Variants in MED24 observed in about 807,000 individuals in gnomAD.
MED24 encodes mediator of RNA polymerase II transcription subunit 24.
Under a neutral mutation model 118.8 loss-of-function variants are expected in MED24, and 74 were observed. The ratio of observed to expected loss-of-function variants is 0.62; its 90% CI spans 0.52 to 0.76. The LOEUF (loss-of-function observed/expected upper bound fraction) is 0.76, where lower values mean the gene tolerates loss of function less well. Ranked by LOEUF, MED24 falls within the 30% of genes least tolerant of loss-of-function variation. The pLI is 0.00. For synonymous variants in MED24, 521 were observed against 523.9 expected, an observed-to-expected ratio of 0.99 and a Z score of 0.08; for missense variants, 1,041 against 1,278.9, an observed-to-expected ratio of 0.81 and a Z score of 2.84.
chr17:40,045,186 C>G (rs149523693), intron 3 of MED24, among the ~76,000 whole-genome samples: 2 of 152,260 alleles, frequency 1.3e-5, no homozygotes, highest in East Asian at 3.9e-4. Context: ...CAGTGGCTCA[C>G]GCCTGTGATC....
chr17:40,038,845 G>C (rs960798174), intron 3 of MED24, among the ~76,000 whole-genome samples: 2 of 152,124 alleles, frequency 1.3e-5, no homozygotes, highest in African/African-American at 4.8e-5. Context: ...AGTACTCCTG[G>C]GTGAACAGGA....
chr17:40,027,727 G>T, intron 15 of MED24, 182 bp downstream of exon 15: 1 of 731,502 alleles, frequency 1.4e-6, no homozygotes, highest in South Asian at 1.7e-5. Context: ...GGATGGTCTG[G>T]GAAGAATCCT....
intron 19 of MED24, among the ~76,000 whole-genome samples, chr17:40,024,627 T>G (rs906914925): frequency 1.3e-5 from 2 of 152,210 alleles, no homozygotes; most frequent in African/African-American, 4.8e-5. Context: ...TAAACACCCA[T>G]GTTCACAGCA....
intron 3 of MED24, among the ~76,000 whole-genome samples, chr17:40,038,741 C>T (rs1415186271): frequency 1.3e-5 from 2 of 151,690 alleles, no homozygotes; most frequent in African/African-American, 2.4e-5. Context: ...AGGAAGAAAG[C>T]CGTCTGCTCA....
At position 40,033,599 on chromosome 17, in the gene MED24, G is replaced by A. The variant is rs1397517469; in HGVS notation, c.560-143C>T. The A allele has an allele frequency of 4.1e-6, 3 of 733,966 alleles. No homozygotes were observed. The highest frequency in any genetic ancestry group is 4.0e-5 in the Admixed American group (2 of 49,942). 45.5% of individuals were successfully genotyped at this position (733,966 alleles called of 1,614,324 possible). ...CCCCTGAGGACAACAGGGAGGGAGGGGCCTGAGGGCAGCATGCACTGTTTC... is the reference window on the plus strand; with the variant it reads ...CCCCTGAGGACAACAGGGAGGGAGGAGCCTGAGGGCAGCATGCACTGTTTC... On this transcript the variant is annotated intron_variant, in intron 6 of 25. Coordinates refer to ENST00000394128, the MANE Select transcript of MED24 (RefSeq NM_014815.4). The surrounding 1 kb of genome is among the most constrained non-coding windows in gnomAD (Gnocchi z 5.2).
At chr17:40,042,634 G>A (rs6503536) in intron 3 of MED24, among the ~76,000 whole-genome samples, 11,563 of 152,050 alleles carry the variant, frequency 0.076, 1,510 homozygotes, top group African/African-American at 0.26. Flanking sequence ...AGCCGAGATC[G>A]CACCACTGCA....
intron 14 of MED24, among the ~76,000 whole-genome samples, chr17:40,028,410 G>T (rs145672554): frequency 6.6e-6 from 1 of 152,098 alleles, no homozygotes; most frequent in Non-Finnish European, 1.5e-5. Flanking sequence ...CACCGCACCC[G>T]GCCAGAAGGA....
chr17:40,040,388 G>A (rs377370074), intron 3 of MED24, among the ~76,000 whole-genome samples: 18 of 151,846 alleles, frequency 1.2e-4, no homozygotes, highest in East Asian at 7.8e-4. Context: ...CCTGACTTTC[G>A]TATTTTTTGC....
In MED24 at chr17:40,026,224, C is replaced by G. The variant is rs572516214; in HGVS notation, c.1917G>C (p.Ser639=). ...RMLGLDEREK[S]LQMIRQLAGP... Reference sequence around the variant, plus strand: ...CTGCCAGCTGGCGGATCATCTGCAGCGACTTCTCACGCTCATCCAGCCCCA... The same window carrying G: ...CTGCCAGCTGGCGGATCATCTGCAGGGACTTCTCACGCTCATCCAGCCCCA... Residue 639 remains serine, a synonymous_variant, in exon 19 of 26, where the codon TCG becomes TCC. Transcript: ENST00000394128. The G allele has an allele frequency of 2.5e-6, 4 of 1,614,186 alleles. No individual in the cohort carries two copies. The highest frequency in any genetic ancestry group is 3.4e-6 in the Non-Finnish European group (4 of 1,180,038).
intron 3 of MED24, among the ~76,000 whole-genome samples, chr17:40,036,895 A>T (rs1471397603): frequency 1.3e-5 from 2 of 152,124 alleles, no homozygotes; most frequent in East Asian, 3.9e-4. Context: ...ACCTTGAAAC[A>T]GGGAGTGGCT....
chr17:40,030,545 T>A (rs527822683), intron 12 of MED24, among the ~76,000 whole-genome samples: 1 of 151,752 alleles, frequency 6.6e-6, no homozygotes, highest in Non-Finnish European at 1.5e-5. Context: ...CCACCCGCCT[T>A]GGCCTCCCAA....
chr17:40,028,744 G>A, intron 14 of MED24, 82 bp downstream of exon 14: 16 of 1,562,072 alleles, frequency 1.0e-5, no homozygotes, highest in African/African-American at 1.3e-5. Context: ...CCAGACCCAG[G>A]CACCTGACTC....
intron 3 of MED24, among the ~76,000 whole-genome samples, chr17:40,045,000 T>A (rs1182151382): frequency 6.6e-6 from 1 of 152,204 alleles, no homozygotes; most frequent in Non-Finnish European, 1.5e-5. Context: ...GGATCTACTA[T>A]AATTTAGTAT....
At chr17:40,027,505 A>AG (rs752295748) in intron 15 of MED24, 40 bp from the exon 16 acceptor site, 30 of 1,570,236 alleles carry the variant, frequency 1.9e-5, no homozygotes, top group Non-Finnish European at 2.5e-5. Flanking sequence ...AGACGAGGGC[A>AG]GGGGGGAGCC....
intron 19 of MED24, among the ~76,000 whole-genome samples, chr17:40,025,528 G>A (rs947102589): frequency 2.0e-5 from 3 of 152,210 alleles, no homozygotes; most frequent in Non-Finnish European, 4.4e-5. Flanking sequence ...ACCAGGAGCT[G>A]GAGGGAGGGG....
At chr17:40,051,872 G>A (rs1268432557) in intron 3 of MED24, among the ~76,000 whole-genome samples, 3 of 152,096 alleles carry the variant, frequency 2.0e-5, no homozygotes, top group Non-Finnish European at 4.4e-5. Flanking sequence ...GCAGTGAGCC[G>A]AGATCAAGCC....
At chr17:40,034,582 A>C (rs1018423138) in intron 6 of MED24, among the ~76,000 whole-genome samples, 1 of 152,300 alleles carries the variant, frequency 6.6e-6, no homozygotes, top group South Asian at 2.1e-4. Flanking sequence ...AAAGTACCCA[A>C]ACTTAACATC....
In MED24 at chr17:40,036,115, C is replaced by T; in HGVS notation, c.252+1G>A. 1 of 1,611,968 alleles carries T rather than the reference C, an allele frequency of 6.2e-7. No homozygotes were observed. The highest frequency in any genetic ancestry group is 1.1e-5 in the South Asian group (1 of 91,032). On this transcript the variant is annotated splice_donor_variant, in intron 4 of 25. Coordinates refer to ENST00000394128, the MANE Select transcript of MED24 (RefSeq NM_014815.4). LOFTEE classifies it high-confidence loss of function. The stretch of plus-strand genomic sequence containing the variant: ...TAGCTCCTGAGTGTCTATGGTCATA[C>T]CTTACTGATGGCTGTGAGGACAGAA...
intron 24 of MED24, 152 bp from the exon 25 acceptor site, chr17:40,020,085 A>T: frequency 9.7e-7 from 1 of 1,026,798 alleles, no homozygotes; most frequent in Non-Finnish European, 1.4e-6. Context: ...ATAAAAGGCA[A>T]TTGGGGAGGG....
Sources: gnomAD v4.1 joint callset for allele counts (sites outside exome capture counted in the v4.1 genomes callset) on GRCh38, gnomAD v4.1.1 for gene constraint, Gnocchi (gnomAD v3.1) non-coding constraint, MANE v1.5 for transcripts, NCBI Gene and HGNC (gene_info 2026-07-23, HGNC 2026-07-21) for gene names.